Variants in CSMD1 observed in about 807,000 individuals in gnomAD.
CSMD1 encodes CUB and sushi domain-containing protein 1.
A neutral mutation model predicts 417.5 loss-of-function variants in CSMD1; 213 were observed. The ratio of observed to expected loss-of-function variants is 0.51; its 90% confidence interval spans 0.46 to 0.57. CSMD1 has a LOEUF of 0.57. Ranked by LOEUF, CSMD1 falls within the 20% of genes least tolerant of loss-of-function variation. CSMD1 has a pLI of 0.00. For missense variants in CSMD1, 6,923 were observed against 4,529.7 expected (o/e 1.53, Z -15.17); for synonymous variants, 2,862 against 1,736.8 (o/e 1.65, Z -16.11).
chr8:4,156,384 G>A (rs531998992), intron 3 of CSMD1, among the ~76,000 whole-genome samples: 1 of 152,236 alleles, frequency 6.6e-6, no homozygotes, highest in South Asian at 2.1e-4. Flanking sequence ...AGAAGCCAAT[G>A]GCAAGTCCAT....
At chr8:4,662,725 C>T (rs1804677048) in intron 1 of CSMD1, among the ~76,000 whole-genome samples, 1 of 152,142 alleles carries the variant, frequency 6.6e-6, no homozygotes, top group Non-Finnish European at 1.5e-5. Flanking sequence ...CGCAATTATT[C>T]GTCACATACA....
At chr8:4,963,232 G>A (rs1028568678) in intron 1 of CSMD1, among the ~76,000 whole-genome samples, 12 of 152,002 alleles carry the variant, frequency 7.9e-5, no homozygotes, top group South Asian at 2.1e-4. Flanking sequence ...ATGGAGTCTT[G>A]CTCTGTCACG....
intron 5 of CSMD1, among the ~76,000 whole-genome samples, chr8:3,897,905 T>C (rs1807471739): frequency 6.6e-6 from 1 of 152,176 alleles, no homozygotes; most frequent in Non-Finnish European, 1.5e-5. Flanking sequence ...AAGGTGGCCA[T>C]GTGGATGATA....
intron 51 of CSMD1, among the ~76,000 whole-genome samples, chr8:3,027,491 T>C (rs1220750856): frequency 6.6e-6 from 1 of 152,178 alleles, no homozygotes; most frequent in Admixed American, 6.5e-5. Flanking sequence ...GAGCTACAGA[T>C]ATTAATAAAA....
At chr8:4,140,255 G>A (rs1803704063) in intron 3 of CSMD1, among the ~76,000 whole-genome samples, 1 of 150,888 alleles carries the variant, frequency 6.6e-6, no homozygotes, top group Non-Finnish European at 1.5e-5. Flanking sequence ...CTAGCACTTT[G>A]GGAAGCTAAG....
intron 4 of CSMD1, among the ~76,000 whole-genome samples, chr8:4,022,343 G>A (rs183119325): frequency 3.3e-5 from 5 of 152,000 alleles, no homozygotes; most frequent in African/African-American, 1.2e-4. Context: ...TTCAGCAGAA[G>A]TGAATAGCAT....
At chr8:3,000,280 T>A in intron 52 of CSMD1, 149 bp from the exon 53 acceptor site, 1 of 413,652 alleles carries the variant, frequency 2.4e-6, no homozygotes. Flanking sequence ...TACTTTTAAA[T>A]ATAGTTTTTC....
chr8:4,395,421 A>G (rs1342609457), intron 3 of CSMD1, among the ~76,000 whole-genome samples: 1 of 152,078 alleles, frequency 6.6e-6, no homozygotes, highest in Non-Finnish European at 1.5e-5. Context: ...AAGAATCATA[A>G]AAAAAACAAG....
At chr8:4,149,975 C>T (rs977443323) in intron 3 of CSMD1, among the ~76,000 whole-genome samples, 1 of 152,174 alleles carries the variant, frequency 6.6e-6, no homozygotes, top group African/African-American at 2.4e-5. Context: ...AAGTTCAGCA[C>T]TGTCACAGAG....
chr8:4,275,485 G>A (rs919739422), intron 3 of CSMD1, among the ~76,000 whole-genome samples: 3 of 150,298 alleles, frequency 2.0e-5, no homozygotes, highest in African/African-American at 7.4e-5. Context: ...AGATCTCGTA[G>A]AGGGAGTGAT....
intron 2 of CSMD1, among the ~76,000 whole-genome samples, chr8:4,590,361 C>T (rs1028480501): frequency 6.6e-6 from 1 of 152,098 alleles, no homozygotes; most frequent in Admixed American, 6.5e-5. Context: ...AATTCTAAAA[C>T]ATACATGCTC....
At chr8:4,142,279 A>C (rs1180691035) in intron 3 of CSMD1, among the ~76,000 whole-genome samples, 3 of 151,162 alleles carry the variant, frequency 2.0e-5, no homozygotes, top group Admixed American at 6.6e-5. Context: ...TCTTGGTATA[A>C]GGTAATGTTT....
At chr8:4,720,175 T>G (rs1439192539) in intron 1 of CSMD1, among the ~76,000 whole-genome samples, 1 of 150,866 alleles carries the variant, frequency 6.6e-6, no homozygotes, top group Non-Finnish European at 1.5e-5. Flanking sequence ...ATAACATATA[T>G]ATATATATAT....
At chr8:4,333,046 T>G (rs1232449171) in intron 3 of CSMD1, among the ~76,000 whole-genome samples, 1 of 152,092 alleles carries the variant, frequency 6.6e-6, no homozygotes, top group Non-Finnish European at 1.5e-5. Context: ...AGCAACCATT[T>G]TAAATGTCAA....
intron 3 of CSMD1, among the ~76,000 whole-genome samples, chr8:4,123,657 C>T (rs1229182718): frequency 2.6e-5 from 4 of 152,114 alleles, no homozygotes; most frequent in African/African-American, 9.7e-5. Context: ...GAACTGGTAA[C>T]ACTCTTAAAG....
intron 5 of CSMD1, among the ~76,000 whole-genome samples, chr8:3,862,927 G>GATTTTTAAACAGCAGAAA (rs1563155421): frequency 1.3e-5 from 2 of 152,082 alleles, no homozygotes; most frequent in African/African-American, 4.8e-5. Context: ...TTTGTCTGGG[G>GATTTTTAAACAGCAGAAA]ATTTTTAAAC....
intron 26 of CSMD1, among the ~76,000 whole-genome samples, chr8:3,249,852 C>G (rs56026650): frequency 2.0e-5 from 3 of 152,018 alleles, no homozygotes; most frequent in Admixed American, 6.5e-5. Context: ...GCTAATGGCA[C>G]TGTGTTTCTA....
intron 3 of CSMD1, among the ~76,000 whole-genome samples, chr8:4,276,511 C>T (rs191049680): frequency 2.4e-4 from 37 of 152,262 alleles, no homozygotes; most frequent in African/African-American, 8.4e-4. Flanking sequence ...TTAGTGGGTG[C>T]AGCAAACCAC....
At chr8:4,952,610 CA>C (rs1159470817) in intron 1 of CSMD1, among the ~76,000 whole-genome samples, 3 of 151,860 alleles carry the variant, frequency 2.0e-5, no homozygotes, top group Non-Finnish European at 2.9e-5. Context: ...TCACAATTCA[CA>C]ATTAGAGCAT....
Sources: allele counts gnomAD v4.1 joint callset (sites outside exome capture counted in the v4.1 genomes callset), GRCh38; gene constraint gnomAD v4.1.1; transcripts MANE v1.5; gene names NCBI Gene and HGNC (gene_info 2026-07-23, HGNC 2026-07-21).